Variants in SPIRE1 observed in about 807,000 individuals in gnomAD.
SPIRE1 encodes the protein spire type actin nucleation factor 1.
In SPIRE1, 40 loss-of-function variants were observed where a neutral mutation model predicts 94.1. The observed-to-expected ratio is 0.43, with a 90% CI of 0.33 to 0.55. SPIRE1 has a LOEUF of 0.55. Among genes scored for constraint, SPIRE1 ranks in the 20% least tolerant of loss-of-function variants. The pLI, the probability that SPIRE1 is intolerant of heterozygous loss-of-function variation, is 0.06. For synonymous variants in SPIRE1, 376 were observed against 371.7 expected, an observed-to-expected ratio of 1.01 and a Z score of -0.13; for missense variants, 838 against 975.2, an observed-to-expected ratio of 0.86 and a Z score of 1.87.
chr18:12,477,109 A>G (rs757011600), intron 10 of SPIRE1, among the ~76,000 whole-genome samples: 1 of 152,218 alleles, frequency 6.6e-6, no homozygotes, highest in Non-Finnish European at 1.5e-5. Flanking sequence ...AGAGGACCAC[A>G]AAGAAGGTTA....
chr18:12,534,406 G>A (rs1297923050), intron 4 of SPIRE1, among the ~76,000 whole-genome samples: 2 of 152,074 alleles, frequency 1.3e-5, no homozygotes, highest in African/African-American at 4.8e-5. Context: ...TTTAGGTGTC[G>A]ACTTGACTGA....
chr18:12,496,879 AAAAT>A, intron 6 of SPIRE1, among the ~76,000 whole-genome samples: 1 of 152,140 alleles, frequency 6.6e-6, no homozygotes, highest in South Asian at 2.1e-4. Context: ...AAAAAAAAGA[AAAAT>A]AAATAAATAA....
intron 1 of SPIRE1, among the ~76,000 whole-genome samples, chr18:12,656,214 T>C (rs553877367): frequency 1.3e-5 from 2 of 152,332 alleles, no homozygotes; most frequent in East Asian, 3.8e-4. Context: ...TGCTGTATTT[T>C]ATAAATGTAT....
In SPIRE1 at chr18:12,609,676, C is replaced by T. The variant is rs536999758; in HGVS notation, c.372+25386G>A. Among the ~76,000 whole-genome samples the T allele has an allele frequency of 2.0e-5, 3 of 152,298 alleles. No homozygotes were observed. The South Asian group carries it at 6.2e-4, about 32-fold the overall frequency. On this transcript the variant is annotated intron_variant, in intron 2 of 16. Coordinates refer to ENST00000409402, the MANE Select transcript of SPIRE1 (RefSeq NM_001128626.2). Reference sequence around the variant, plus strand: ...CCTTACTCTCCAGCATCCAAAGCCTCACCACCCTATTTGAGCACCTATCAG... The same window carrying T: ...CCTTACTCTCCAGCATCCAAAGCCTTACCACCCTATTTGAGCACCTATCAG...
At chr18:12,528,268 G>T (rs887163084) in intron 4 of SPIRE1, among the ~76,000 whole-genome samples, 1 of 152,136 alleles carries the variant, frequency 6.6e-6, no homozygotes, top group African/African-American at 2.4e-5. Flanking sequence ...TTGCCCTTAA[G>T]AAGTTCACAG....
intron 2 of SPIRE1, among the ~76,000 whole-genome samples, chr18:12,600,384 G>T (rs933898671): frequency 6.6e-6 from 1 of 152,284 alleles, no homozygotes; most frequent in Non-Finnish European, 1.5e-5. Flanking sequence ...AACTAGTTCA[G>T]TCACTTAAGG....
rs71371282 is a variant in SPIRE1, at chr18:12,624,831, C to CAAAA, written c.372+10227_372+10230dup. On this transcript the variant is annotated intron_variant, in intron 2 of 16. Transcript: ENST00000409402. ...TGGGCGACAGAGTGAGACTCCATCT[C>CAAAA]AAAAAAAAAAAAAAGTAATTATAAA... Among the ~76,000 whole-genome samples the CAAAA allele has an allele frequency of 1.2e-3, 161 of 132,888 alleles. 1 individual carries two copies. The highest frequency in any genetic ancestry group is 6.4e-3 in the South Asian group (27 of 4,220). 87.2% of individuals were successfully genotyped at this position (132,888 alleles called of 152,430 possible). A position where few individuals can be genotyped will look rare whatever the true frequency, so the allele number is the denominator to read the frequency against.
At chr18:12,640,646 G>A (rs1198131458) in intron 1 of SPIRE1, among the ~76,000 whole-genome samples, 1 of 152,196 alleles carries the variant, frequency 6.6e-6, no homozygotes, top group East Asian at 1.9e-4. Flanking sequence ...GGGGTGGTCA[G>A]GTAAGATTCC....
intron 6 of SPIRE1, among the ~76,000 whole-genome samples, chr18:12,496,840 G>C (rs2033477656): frequency 6.6e-6 from 1 of 152,108 alleles, no homozygotes; most frequent in Non-Finnish European, 1.5e-5. Flanking sequence ...CTGCACTCCA[G>C]TCTGGGTGAC....
intron 4 of SPIRE1, among the ~76,000 whole-genome samples, chr18:12,525,002 C>T (rs962124959): frequency 6.6e-6 from 1 of 150,506 alleles, no homozygotes; most frequent in African/African-American, 2.4e-5. Flanking sequence ...AGTGGCCAGG[C>T]ACGGTGGCTC....
At chr18:12,650,318 G>T (rs2038341928) in intron 1 of SPIRE1, among the ~76,000 whole-genome samples, 1 of 152,128 alleles carries the variant, frequency 6.6e-6, no homozygotes, top group African/African-American at 2.4e-5. Flanking sequence ...CAGCACTTTG[G>T]TAGGCCAACG....
At chr18:12,591,215 T>A (rs569290169) in intron 2 of SPIRE1, among the ~76,000 whole-genome samples, 2 of 152,314 alleles carry the variant, frequency 1.3e-5, no homozygotes, top group East Asian at 3.9e-4. Context: ...AGGCTAAGTA[T>A]GCGACTATCC....
intron 1 of SPIRE1, among the ~76,000 whole-genome samples, chr18:12,650,224 C>T (rs1364874560): frequency 2.0e-5 from 3 of 151,544 alleles, no homozygotes; most frequent in Admixed American, 6.6e-5. Context: ...GGGCAACAGA[C>T]TAAGACTCTG....
At chr18:12,643,937 C>G (rs2038150834) in intron 1 of SPIRE1, among the ~76,000 whole-genome samples, 1 of 150,606 alleles carries the variant, frequency 6.6e-6, no homozygotes, top group Non-Finnish European at 1.5e-5. Context: ...ATCTATAATC[C>G]CAGCACTTTG....
chr18:12,532,476 A>G (rs1043210768), intron 4 of SPIRE1, among the ~76,000 whole-genome samples: 3 of 152,218 alleles, frequency 2.0e-5, no homozygotes, highest in Non-Finnish European at 4.4e-5. Flanking sequence ...ATTCATGCAC[A>G]CACATATACA....
At chr18:12,527,325 C>T (rs2034551599) in intron 4 of SPIRE1, among the ~76,000 whole-genome samples, 1 of 151,670 alleles carries the variant, frequency 6.6e-6, no homozygotes, top group African/African-American at 2.4e-5. Context: ...TTTGTTGAAC[C>T]GTGCTTCAGT....
intron 3 of SPIRE1, among the ~76,000 whole-genome samples, chr18:12,540,655 C>T (rs543421597): frequency 2.0e-5 from 3 of 152,124 alleles, no homozygotes; most frequent in Non-Finnish European, 4.4e-5. Context: ...GGATTACAGG[C>T]GTGAGCCACT....
chr18:12,652,295 G>A (rs1385643756), intron 1 of SPIRE1, among the ~76,000 whole-genome samples: 5 of 152,176 alleles, frequency 3.3e-5, no homozygotes, highest in Non-Finnish European at 7.3e-5. Flanking sequence ...GAGCCTGCGT[G>A]TCTTTAACCC....
chr18:12,447,678 C>T lies in SPIRE1; in HGVS notation c.*1960G>A, dbSNP rs748342822. 5.3e-5 allele frequency: 8 copies of T among 152,090 alleles called. No individual in the cohort carries two copies. The highest frequency in any genetic ancestry group is 1.2e-4 in the Non-Finnish European group (8 of 68,026). The allele number at this position is 152,090 out of a possible 1,614,324, so 9.4% of individuals were successfully genotyped here. ...ATGCCCAAATCATCCAATACACTAT[C>T]ATAAAGTGAAGTGAAAGACATGTAC... On this transcript the variant is annotated 3_prime_UTR_variant, in exon 17 of 17. Coordinates refer to ENST00000409402, the MANE Select transcript of SPIRE1 (RefSeq NM_001128626.2).
Sources: allele counts gnomAD v4.1 joint callset (sites outside exome capture counted in the v4.1 genomes callset), GRCh38; gene constraint gnomAD v4.1.1; transcripts MANE v1.5; gene names NCBI Gene and HGNC (gene_info 2026-07-23, HGNC 2026-07-21).